The following ESRRG variants were observed in gnomAD, a reference collection of about 807,000 sequenced individuals.
ESRRG encodes estrogen-related receptor gamma.
A neutral mutation model predicts 44.0 loss-of-function variants in ESRRG; 13 were observed. That is an observed-to-expected ratio of 0.30 (90% confidence interval 0.19 to 0.47). ESRRG has a LOEUF of 0.47. Ranked by LOEUF, ESRRG falls within the 20% of genes least tolerant of loss-of-function variation. The pLI is 1.00. For synonymous variants in ESRRG, 215 were observed against 214.6 expected (o/e 1.00, Z -0.02); for missense variants, 395 against 580.6 (o/e 0.68, Z 3.29).
intron 2 of ESRRG, among the ~76,000 whole-genome samples, chr1:216,656,102 C>A (rs991143133): frequency 6.6e-6 from 1 of 152,126 alleles, no homozygotes; most frequent in African/African-American, 2.4e-5. Context: ...TTTCCAATAG[C>A]AACTATGGGC....
At chr1:217,040,267 C>G (rs1409059521) in intron 1 of ESRRG, among the ~76,000 whole-genome samples, 5 of 152,086 alleles carry the variant, frequency 3.3e-5, no homozygotes, top group African/African-American at 1.2e-4. Context: ...AAAAAAGTCA[C>G]TAGGCTGGTG....
intron 1 of ESRRG, among the ~76,000 whole-genome samples, chr1:216,990,898 T>C (rs76511060): frequency 0.025 from 3,741 of 152,170 alleles, 151 homozygotes; most frequent in African/African-American, 0.084. Flanking sequence ...TTGTACTGTA[T>C]TGCTATTTCC....
At chr1:216,938,316 C>T (rs1320391441) in intron 2 of ESRRG, among the ~76,000 whole-genome samples, 1 of 152,100 alleles carries the variant, frequency 6.6e-6, no homozygotes, top group South Asian at 2.1e-4. Flanking sequence ...ACCTGTAGTC[C>T]GTGAGAAGTA....
At chr1:216,888,786 G>A (rs2057388393) in intron 2 of ESRRG, among the ~76,000 whole-genome samples, 1 of 152,138 alleles carries the variant, frequency 6.6e-6, no homozygotes, top group South Asian at 2.1e-4. Context: ...ATGTGACTGA[G>A]AAAGCGTTTA....
intron 2 of ESRRG, among the ~76,000 whole-genome samples, chr1:216,664,843 T>C (rs924446861): frequency 6.6e-6 from 1 of 152,162 alleles, no homozygotes; most frequent in Non-Finnish European, 1.5e-5. Context: ...AGAATTACCA[T>C]GTGATCCAGT....
rs986183440 is a variant in ESRRG at position 216,524,215 on chromosome 1, TTATATATATATATACATA to T, written c.863-4812_863-4795del. ...ACAGCTCAGGGGCTTGTAGGAAACTTTATATATATATATACATATATATATATATGTAAGTTATATATA... is the reference window on the plus strand; with the variant it reads ...ACAGCTCAGGGGCTTGTAGGAAACTTTATATATATATGTAAGTTATATATA... On this transcript the variant is annotated intron_variant, in intron 5 of 6. Transcript: ENST00000408911. Among the ~76,000 whole-genome samples the T allele has an allele frequency of 2.1e-5, 3 of 143,394 alleles. No homozygotes were observed. The Admixed American group carries it at 2.1e-4, about 10-fold the overall frequency. The allele number at this position is 143,394 out of a possible 152,430, so 94.1% of individuals were successfully genotyped here. A position where few individuals can be genotyped will look rare whatever the true frequency, so the allele number is the denominator to read the frequency against.
At chr1:216,549,120 T>C (rs2055460897) in intron 5 of ESRRG, among the ~76,000 whole-genome samples, 1 of 152,112 alleles carries the variant, frequency 6.6e-6, no homozygotes, top group Non-Finnish European at 1.5e-5. Flanking sequence ...CAAGGTCATA[T>C]AAATATGTTC....
chr1:217,080,885 G>C (rs2091707465), intron 1 of ESRRG, among the ~76,000 whole-genome samples: 1 of 151,850 alleles, frequency 6.6e-6, no homozygotes, highest in Non-Finnish European at 1.5e-5. Context: ...CACCGTGTTA[G>C]CCAGGATGGT....
chr1:216,664,767 A>G (rs1168973437), intron 2 of ESRRG, among the ~76,000 whole-genome samples: 6 of 151,822 alleles, frequency 4.0e-5, no homozygotes, highest in Non-Finnish European at 5.9e-5. Flanking sequence ...TGCTCTGTTG[A>G]TGGTAATATA....
intron 6 of ESRRG, among the ~76,000 whole-genome samples, chr1:216,508,384 A>T (rs2041786098): frequency 6.6e-6 from 1 of 152,206 alleles, no homozygotes; most frequent in African/African-American, 2.4e-5. Flanking sequence ...TACATTAGGT[A>T]GTTTAATGAC....
chr1:216,644,854 A>ATTT (rs2067214773), intron 3 of ESRRG, among the ~76,000 whole-genome samples: 3 of 152,204 alleles, frequency 2.0e-5, no homozygotes, highest in Non-Finnish European at 4.4e-5. Flanking sequence ...CTCCATAGGA[A>ATTT]ATATTTAGAA....
At position 216,506,081 on chromosome 1, in the gene ESRRG, A is replaced by G. The variant is rs2041142501; in HGVS notation, c.*858T>C. 1 of 152,756 alleles carries G rather than the reference A, an allele frequency of 6.5e-6. No homozygotes were observed. The highest frequency in any genetic ancestry group is 2.1e-4 in the South Asian group (1 of 4,838). The allele number at this position is 152,756 out of a possible 1,614,324, so 9.5% of individuals were successfully genotyped here. A position where few individuals can be genotyped will look rare whatever the true frequency, so the allele number is the denominator to read the frequency against. The stretch of plus-strand genomic sequence containing the variant: ...AGTTACATAGTAGCTAAACTAACAA[A>G]TACCTGGAAGACTTGAAAAAACAAT... On this transcript the variant is annotated 3_prime_UTR_variant, in exon 7 of 7. Coordinates refer to ENST00000408911, the MANE Select transcript of ESRRG (RefSeq NM_001438.4).
intron 3 of ESRRG, among the ~76,000 whole-genome samples, chr1:216,602,235 A>G (rs1404677335): frequency 6.6e-6 from 1 of 152,176 alleles, no homozygotes. Context: ...TATGTTGTAC[A>G]TGGTTCCTCT....
intron 1 of ESRRG, among the ~76,000 whole-genome samples, chr1:217,112,582 C>A (rs112479276): frequency 1.3e-5 from 2 of 152,008 alleles, no homozygotes; most frequent in African/African-American, 4.8e-5. Context: ...TTGTAGTTGC[C>A]TATAATAAAT....
At position 216,519,169 on chromosome 1, in the gene ESRRG, A is replaced by G; in HGVS notation, c.1115T>C (p.Ile372Thr). ...EKEEFVTLKA[I>T]ALANSDSMHI... The stretch of plus-strand genomic sequence containing the variant: ...ATGCCAACCTGAATTAGCAAGAGCT[A>G]TAGCTTTGAGGGTGACAAATTCTTC... The change falls in exon 6 of 7, where the codon ATA (isoleucine) becomes ACA (threonine). Residue 372 changes from isoleucine to threonine, a missense_variant. Ile to Thr is a moderately conservative substitution (Grantham distance 89). This residue lies in a region of ESRRG where 167 missense variants were observed against 251.8 expected (regional missense o/e 0.66). Coordinates refer to ENST00000408911, the MANE Select transcript of ESRRG (RefSeq NM_001438.4). 1 of 1,613,714 alleles carries G rather than the reference A, an allele frequency of 6.2e-7. No individual in the cohort carries two copies. Among genetic ancestry groups the G allele is most frequent in the Non-Finnish European group, 8.5e-7 (1 of 1,179,758 alleles).
intron 2 of ESRRG, among the ~76,000 whole-genome samples, chr1:216,730,991 T>C (rs2088660193): frequency 6.6e-6 from 1 of 152,170 alleles, no homozygotes; most frequent in Admixed American, 6.5e-5. Context: ...TATTGGATAA[T>C]GAAAACAATT....
chr1:216,866,710 G>A (rs937705096), intron 2 of ESRRG, among the ~76,000 whole-genome samples: 25 of 151,872 alleles, frequency 1.6e-4, no homozygotes, highest in African/African-American at 5.6e-4. Context: ...AGCTGGGACT[G>A]CAGGTGCTCA....
intron 5 of ESRRG, among the ~76,000 whole-genome samples, chr1:216,545,428 T>C (rs1259568085): frequency 1.3e-5 from 2 of 151,934 alleles, no homozygotes; most frequent in Non-Finnish European, 2.9e-5. Flanking sequence ...CCCACCCCAA[T>C]GCATACGTTC....
chr1:216,778,197 G>T (rs1343007402), intron 2 of ESRRG, among the ~76,000 whole-genome samples: 1 of 151,936 alleles, frequency 6.6e-6, no homozygotes, highest in Non-Finnish European at 1.5e-5. Context: ...GAACTGAGTG[G>T]GGAGGGAAGT....
Sources: allele counts gnomAD v4.1 joint callset (sites outside exome capture counted in the v4.1 genomes callset), GRCh38; gene constraint gnomAD v4.1.1; regional missense constraint gnomAD v4.1.1; transcripts MANE v1.5; gene names NCBI Gene and HGNC (gene_info 2026-07-23, HGNC 2026-07-21).